IGFL2: variants seen among roughly 807,000 people sequenced by gnomAD.
The protein encoded by IGFL2 is insulin growth factor-like family member 2.
In IGFL2, 7 loss-of-function variants were observed where a neutral mutation model predicts 13.9. That is an observed-to-expected ratio of 0.51 (90% CI 0.29 to 0.95). The LOEUF (loss-of-function observed/expected upper bound fraction) is 0.95, where lower values mean the gene tolerates loss of function less well. Among genes scored for constraint, IGFL2 ranks in the 40% least tolerant of loss-of-function variants. IGFL2 has a pLI of 0.08. For missense variants in IGFL2, 138 were observed against 147.8 expected, an observed-to-expected ratio of 0.93 and a Z score of 0.34; for synonymous variants, 55 against 55.8, an observed-to-expected ratio of 0.99 and a Z score of 0.07.
chr19:46,155,079 C>T (rs1250047655), intron 1 of IGFL2, among the ~76,000 whole-genome samples: 1 of 152,184 alleles, frequency 6.6e-6, no homozygotes. Context: ...TTGTGTGGAA[C>T]CTCTGCCCCA....
chr19:46,096,372 T>A, the IGFL2 span, among the ~76,000 whole-genome samples: 4 of 152,278 alleles, frequency 2.6e-5, no homozygotes, highest in African/African-American at 9.6e-5. Flanking sequence ...AATGATTTTA[T>A]ATCCTGAGAC....
the IGFL2 span, among the ~76,000 whole-genome samples, chr19:46,102,289 C>T: frequency 0.15 from 22,496 of 152,048 alleles, 1,914 homozygotes; most frequent in African/African-American, 0.22. Flanking sequence ...AGCCTGAGTC[C>T]GAAAAGAGAG....
At chr19:46,197,687 G>C in the IGFL2 span, among the ~76,000 whole-genome samples, 1 of 151,492 alleles carries the variant, frequency 6.6e-6, no homozygotes, top group Non-Finnish European at 1.5e-5. Context: ...GTGCACCACT[G>C]TGCCCAGCTA....
the IGFL2 span, chr19:46,213,030 A>G: frequency 6.6e-6 from 1 of 152,436 alleles, no homozygotes; most frequent in Non-Finnish European, 1.5e-5. Context: ...CAGTTACTGC[A>G]TCCTGGGCCA....
chr19:46,170,736 C>A, the IGFL2 span, among the ~76,000 whole-genome samples: 4 of 152,152 alleles, frequency 2.6e-5, no homozygotes, highest in Admixed American at 6.5e-5. Flanking sequence ...TATGCAGTTG[C>A]AGATAAGGGA....
chr19:46,138,620 A>C (rs1328822145), upstream of IGFL2, among the ~76,000 whole-genome samples: 1 of 152,136 alleles, frequency 6.6e-6, no homozygotes, highest in African/African-American at 2.4e-5. Flanking sequence ...GGCTGGGTGC[A>C]TCCTGGTGGG....
chr19:46,121,076 C>T, the IGFL2 span, among the ~76,000 whole-genome samples: 22 of 150,318 alleles, frequency 1.5e-4, 2 homozygotes, highest in South Asian at 2.1e-4. Flanking sequence ...CATTTTTCAG[C>T]GCTTAGAAAG....
At chr19:46,143,405 T>C (rs907350763), upstream of IGFL2, among the ~76,000 whole-genome samples, 5 of 149,768 alleles carry the variant, frequency 3.3e-5, no homozygotes, top group East Asian at 1.9e-4. Flanking sequence ...TCTTCTTCTT[T>C]TTTTTTTTTT....
the IGFL2 span, among the ~76,000 whole-genome samples, chr19:46,079,423 C>A: frequency 6.6e-6 from 1 of 152,198 alleles, no homozygotes; most frequent in Non-Finnish European, 1.5e-5. Flanking sequence ...CCATGGTGCA[C>A]CTGGTTTTGC....
At position 46,160,879 on chromosome 19, in the gene IGFL2, AAGGT is replaced by A. The variant is rs1974129960; in HGVS notation, c.341+2_341+5del. 6.8e-6 allele frequency: 11 copies of A among 1,613,648 alleles called. No homozygotes were observed. The highest frequency in any genetic ancestry group is 8.5e-6 in the Non-Finnish European group (10 of 1,179,752). ...CATCTCCCATCTCCAGTAAATGTGA[AAGGT>A]AGGGACCCCGTCCCTGGCCAGGGGG... On this transcript the variant is annotated splice_donor_variant and coding_sequence_variant, in exon 3 of 4. Transcript: ENST00000377693. LOFTEE classifies it high-confidence loss of function.
the IGFL2 span, among the ~76,000 whole-genome samples, chr19:46,176,546 A>G: frequency 1.3e-5 from 2 of 152,156 alleles, no homozygotes; most frequent in African/African-American, 2.4e-5. Flanking sequence ...AGAGCTGCCT[A>G]AAGATTGCAC....
downstream of IGFL2, chr19:46,164,243 G>A (rs1974290687): frequency 6.6e-6 from 1 of 152,090 alleles, no homozygotes; most frequent in African/African-American, 2.4e-5. Flanking sequence ...ACAAACAGGG[G>A]TGACTGTAGG....
the IGFL2 span, among the ~76,000 whole-genome samples, chr19:46,171,987 T>C: frequency 1.3e-5 from 2 of 152,156 alleles, no homozygotes; most frequent in Non-Finnish European, 2.9e-5. Flanking sequence ...AAAAAAATTA[T>C]GTGTGATGAA....
chr19:46,100,646 T>G, the IGFL2 span, among the ~76,000 whole-genome samples: 3 of 152,174 alleles, frequency 2.0e-5, no homozygotes, highest in African/African-American at 7.2e-5. Flanking sequence ...TGGTGAAGTT[T>G]TAACCATTCA....
At chr19:46,128,663 G>T in the IGFL2 span, among the ~76,000 whole-genome samples, 5 of 152,160 alleles carry the variant, frequency 3.3e-5, no homozygotes, top group Admixed American at 3.3e-4. Flanking sequence ...ATTTGCATAT[G>T]TTGAACCAAC....
chr19:46,176,717 C>T, the IGFL2 span, among the ~76,000 whole-genome samples: 19 of 152,228 alleles, frequency 1.2e-4, 1 homozygote, highest in South Asian at 6.2e-4. Context: ...TGTCATTCAC[C>T]CCTGGGAGGG....
chr19:46,158,765 A>T (rs1973965219), intron 1 of IGFL2, among the ~76,000 whole-genome samples: 1 of 152,158 alleles, frequency 6.6e-6, no homozygotes, highest in African/African-American at 2.4e-5. Context: ...TTCAACGTGC[A>T]TGGGAGGCTA....
the IGFL2 span, chr19:46,209,600 T>C: frequency 7.9e-5 from 12 of 152,172 alleles, no homozygotes; most frequent in Non-Finnish European, 1.6e-4. Flanking sequence ...ACATTATTAC[T>C]GGGTTACACA....
chr19:46,106,418 C>G, the IGFL2 span, among the ~76,000 whole-genome samples: 5 of 152,108 alleles, frequency 3.3e-5, no homozygotes, highest in Admixed American at 2.6e-4. Context: ...GTCCCTGAAG[C>G]CTTGTGGCAG....
Sources: gnomAD v4.1 joint callset for allele counts (sites outside exome capture counted in the v4.1 genomes callset) on GRCh38, gnomAD v4.1.1 for gene constraint, MANE v1.5 for transcripts, NCBI Gene and HGNC (gene_info 2026-07-23, HGNC 2026-07-21) for gene names.